ADAM12: variants seen among roughly 807,000 people sequenced by gnomAD.
The protein encoded by ADAM12 is disintegrin and metalloproteinase domain-containing protein 12.
ADAM12 carries 70 observed loss-of-function variants against 106.4 expected under a neutral mutation model. The observed-to-expected ratio is 0.66, with a 90% CI of 0.54 to 0.80. ADAM12 has a LOEUF of 0.80. Among genes scored for constraint, ADAM12 ranks in the 30% least tolerant of loss-of-function variants. ADAM12 has a pLI of 0.00. For missense variants in ADAM12, 1,010 were observed against 1,171.9 expected, an observed-to-expected ratio of 0.86 and a Z score of 2.02; for synonymous variants, 420 against 433.5, an observed-to-expected ratio of 0.97 and a Z score of 0.39.
chr10:126,140,371 A>C (rs1286902296), intron 4 of ADAM12, among the ~76,000 whole-genome samples: 2 of 152,244 alleles, frequency 1.3e-5, no homozygotes, highest in Non-Finnish European at 2.9e-5. Context: ...TTAAATACAC[A>C]GAAATATAAG....
Position 126,109,855 on chromosome 10 carries a change from C to T in ADAM12, c.604-15G>A, listed in dbSNP as rs374972418. The T allele has an allele frequency of 3.1e-6, 5 of 1,611,068 alleles. No homozygotes were observed. In the African/African-American group the frequency reaches 6.7e-5, roughly 22 times the overall value. ...TCTCTTTTATGCTGCCAAGAGTAAA[C>T]ATGCACTTAATCTCTCTTAATGCCT... On this transcript the variant is annotated splice_polypyrimidine_tract_variant and intron_variant, in intron 6 of 22. Coordinates refer to ENST00000448723, the MANE Select transcript of ADAM12 (RefSeq NM_001288973.2).
intron 1 of ADAM12, among the ~76,000 whole-genome samples, chr10:126,353,414 G>A (rs1010754140): frequency 8.5e-5 from 13 of 152,326 alleles, no homozygotes; most frequent in Admixed American, 2.6e-4. Context: ...CAAGGCTGAA[G>A]TGAGAGGACA....
intron 14 of ADAM12, among the ~76,000 whole-genome samples, chr10:126,058,877 A>C (rs1467483860): frequency 6.6e-6 from 1 of 152,220 alleles, no homozygotes; most frequent in East Asian, 1.9e-4. Context: ...TGCTGCATTA[A>C]AAAATGTCTG....
chr10:126,145,429 A>G (rs10794061), intron 4 of ADAM12: 82,043 of 152,418 alleles, frequency 0.54, 22,862 homozygotes, highest in Non-Finnish European at 0.63. Flanking sequence ...ACGTATAACC[A>G]AGACTCAGTG....
chr10:126,112,491 G>C (rs977631367), intron 6 of ADAM12, among the ~76,000 whole-genome samples: 1 of 152,074 alleles, frequency 6.6e-6, no homozygotes, highest in South Asian at 2.1e-4. Context: ...AAAAGTCTCC[G>C]TTCCCAGGTG....
intron 3 of ADAM12, among the ~76,000 whole-genome samples, chr10:126,207,517 T>C (rs987999236): frequency 5.9e-5 from 9 of 152,242 alleles, no homozygotes; most frequent in African/African-American, 2.2e-4. Flanking sequence ...TCCAATGTTA[T>C]TTTCTCAGTT....
intron 3 of ADAM12, among the ~76,000 whole-genome samples, chr10:126,271,861 C>T (rs1959178635): frequency 6.6e-6 from 1 of 152,192 alleles, no homozygotes; most frequent in Non-Finnish European, 1.5e-5. Context: ...AAGTCAAGAT[C>T]CTTATCAGGA....
chr10:126,351,583 C>A (rs989880490), intron 1 of ADAM12, among the ~76,000 whole-genome samples: 3 of 152,208 alleles, frequency 2.0e-5, no homozygotes, highest in African/African-American at 7.2e-5. Flanking sequence ...GATCCCCCAG[C>A]ACTGCACCTT....
Position 126,039,379 on chromosome 10 carries a change from C to T in ADAM12, c.2155G>A (p.Ala719Thr), listed in dbSNP as rs765727404. Residue 719 changes from alanine to threonine, a missense_variant, in exon 19 of 23, where the codon GCT becomes ACT. Physicochemically the swap from Ala to Thr is moderately conservative, Grantham distance 58. This residue lies in a region of ADAM12 where 615 missense variants were observed against 708.5 expected (regional missense o/e 0.87). Transcript: ENST00000448723. Reference protein sequence around the residue: ...GILVTILCLLAAGFVVYLKRK... With the variant: ...GILVTILCLLTAGFVVYLKRK... ...TTGAGATAAACCACAAATCCGGCAG[C>T]AAGAAGACACAGGATGGTCACCAGA... The T allele has an allele frequency of 1.9e-6, 3 of 1,614,100 alleles. No homozygotes were observed. The highest frequency in any genetic ancestry group is 2.2e-5 in the East Asian group (1 of 44,876).
intron 4 of ADAM12, among the ~76,000 whole-genome samples, chr10:126,143,620 C>T (rs1209905455): frequency 1.2e-4 from 14 of 114,414 alleles, no homozygotes; most frequent in Admixed American, 5.6e-4. Context: ...TATGGGGGTG[C>T]GTGGGTGTGT....
chr10:126,225,645 C>G (rs1358115987), intron 3 of ADAM12, among the ~76,000 whole-genome samples: 1 of 152,166 alleles, frequency 6.6e-6, no homozygotes, highest in Admixed American at 6.5e-5. Context: ...GCCTGGATTC[C>G]CCTTCACAAA....
At chr10:126,058,100 G>T (rs1368391438) in intron 14 of ADAM12, among the ~76,000 whole-genome samples, 8 of 152,142 alleles carry the variant, frequency 5.3e-5, no homozygotes, top group Non-Finnish European at 1.2e-4. Flanking sequence ...GTCCTTCAGG[G>T]CTCTCCTCTG....
intron 1 of ADAM12, among the ~76,000 whole-genome samples, chr10:126,374,492 A>G (rs115087344): frequency 0.01 from 1,542 of 152,346 alleles, 26 homozygotes; most frequent in African/African-American, 0.035. Context: ...AAAATATTAC[A>G]TTTTAAGAAG....
intron 4 of ADAM12, among the ~76,000 whole-genome samples, chr10:126,148,672 G>C (rs897351729): frequency 6.6e-6 from 1 of 152,190 alleles, no homozygotes; most frequent in African/African-American, 2.4e-5. Context: ...CTAGCTTTCA[G>C]TTGCTTCCCC....
chr10:126,156,153 GC>G (rs1442087762), intron 3 of ADAM12, among the ~76,000 whole-genome samples: 1 of 152,158 alleles, frequency 6.6e-6, no homozygotes, highest in Non-Finnish European at 1.5e-5. Flanking sequence ...AATAGGAACA[GC>G]CCCCATCTTG....
At chr10:126,241,247 T>C (rs1020712504) in intron 3 of ADAM12, among the ~76,000 whole-genome samples, 4 of 152,224 alleles carry the variant, frequency 2.6e-5, no homozygotes, top group African/African-American at 9.6e-5. Flanking sequence ...GAAGTGACTT[T>C]AACAGGTTTG....
chr10:126,388,232 C>T lies in ADAM12; in HGVS notation c.-87G>A. On this transcript the variant is annotated 5_prime_UTR_variant, in exon 1 of 23. Transcript: ENST00000448723. This position sits in a 1 kb window ranked among gnomAD's most constrained non-coding sequence, Gnocchi z 4.4. ...CGGGCGCCGAGCCGGGGCCGGGCGT[C>T]GCGACCGGAGGGATTTCCTGCCTCG... 1 of 1,188,294 alleles carries T rather than the reference C, an allele frequency of 8.4e-7. No individual in the cohort carries two copies. The highest frequency in any genetic ancestry group is 1.0e-6 in the Non-Finnish European group (1 of 959,808). 73.6% of individuals were successfully genotyped at this position (1,188,294 alleles called of 1,614,324 possible).
At chr10:126,140,748 T>C (rs960322127) in intron 4 of ADAM12, among the ~76,000 whole-genome samples, 2 of 152,230 alleles carry the variant, frequency 1.3e-5, no homozygotes, top group Non-Finnish European at 2.9e-5. Flanking sequence ...TTTAAACAAA[T>C]GTGATTGAGT....
chr10:126,080,206 C>CA (rs1427703609), intron 11 of ADAM12, among the ~76,000 whole-genome samples: 3 of 152,072 alleles, frequency 2.0e-5, no homozygotes, highest in African/African-American at 7.2e-5. Flanking sequence ...CTTTATTCCC[C>CA]GGAGCATCCA....
Sources: allele counts gnomAD v4.1 joint callset (sites outside exome capture counted in the v4.1 genomes callset), GRCh38; gene constraint gnomAD v4.1.1; regional missense constraint gnomAD v4.1.1; non-coding constraint Gnocchi (gnomAD v3.1); transcripts MANE v1.5; gene names NCBI Gene and HGNC (gene_info 2026-07-23, HGNC 2026-07-21).